The following RNF128 variants were observed in gnomAD, a reference collection of about 807,000 sequenced individuals.
RNF128 encodes ring finger protein 128, also known as E3 ubiquitin-protein ligase RNF128.
In RNF128, 13 loss-of-function variants were observed where a neutral mutation model predicts 26.2. The ratio of observed to expected loss-of-function variants is 0.50; its 90% CI spans 0.32 to 0.79. The LOEUF (loss-of-function observed/expected upper bound fraction) is 0.79. RNF128 is among the 30% of genes least tolerant of loss of function. The pLI is 0.03. For missense variants in RNF128, 315 were observed against 349.7 expected (o/e 0.90, Z 0.79); for synonymous variants, 149 against 142.5 (o/e 1.05, Z -0.32).
chrX:106,777,422 G>T (rs1211462030), intron 2 of RNF128, among the ~76,000 whole-genome samples: 2 of 112,070 alleles, frequency 1.8e-5, no homozygotes. Flanking sequence ...TCCACTCCTT[G>T]TTGGCTTCTG....
intron 2 of RNF128, among the ~76,000 whole-genome samples, chrX:106,781,977 A>G (rs1930573716): frequency 8.9e-6 from 1 of 112,295 alleles, no homozygotes; most frequent in African/African-American, 3.2e-5. Flanking sequence ...CCACACTTCA[A>G]ATTAATTTGC....
At chrX:106,778,990 G>A (rs1930518002) in intron 2 of RNF128, among the ~76,000 whole-genome samples, 1 of 111,595 alleles carries the variant, frequency 9.0e-6, no homozygotes, top group Admixed American at 9.6e-5. Flanking sequence ...TCACATGTAT[G>A]TATCTATTTC....
At chrX:106,695,809 C>A (rs1201617242) in intron 1 of RNF128, among the ~76,000 whole-genome samples, 1 of 111,906 alleles carries the variant, frequency 8.9e-6, no homozygotes, top group African/African-American at 3.2e-5. Flanking sequence ...TTTGCATGAA[C>A]ACATTCTACT....
rs761397508 is a variant in RNF128, at chrX:106,781,654, C to T, written c.733-3411C>T. On this transcript the variant is annotated intron_variant, in intron 2 of 6. Transcript: ENST00000255499. ...TTTATTAAATCACTTGTCTTGCATC[C>T]ATATTTAAAGAAAATAGCTTTTCTT... Among the ~76,000 whole-genome samples the T allele has an allele frequency of 7.2e-3, 801 of 111,554 alleles. 5 individuals carry two copies. The highest frequency in any genetic ancestry group is 0.013 in the Non-Finnish European group (670 of 53,031).
upstream of RNF128, among the ~76,000 whole-genome samples, chrX:106,722,213 T>C (rs1929325124): frequency 9.0e-6 from 1 of 111,041 alleles, no homozygotes; most frequent in South Asian, 3.9e-4. Context: ...ACAAGAAAAG[T>C]GTAGTCTTAC....
intron 1 of RNF128, among the ~76,000 whole-genome samples, chrX:106,766,530 T>G (rs764244367): frequency 8.9e-6 from 1 of 112,548 alleles, no homozygotes; most frequent in African/African-American, 3.2e-5. Flanking sequence ...AAGTGTCTGT[T>G]CATATCCTTT....
chrX:106,729,403 A>G (rs1929464242), intron 1 of RNF128, among the ~76,000 whole-genome samples: 1 of 110,780 alleles, frequency 9.0e-6, no homozygotes, highest in Non-Finnish European at 1.9e-5. Context: ...TGTGATTATT[A>G]AGGATTATAT....
At chrX:106,723,988 A>G (rs1392757083), upstream of RNF128, among the ~76,000 whole-genome samples, 1 of 111,176 alleles carries the variant, frequency 9.0e-6, no homozygotes, top group South Asian at 3.8e-4. Flanking sequence ...TGCACTTAGT[A>G]GGTGTTCAGT....
intron 5 of RNF128, among the ~76,000 whole-genome samples, chrX:106,790,773 T>C (rs1930808952): frequency 9.0e-6 from 1 of 110,597 alleles, no homozygotes; most frequent in South Asian, 3.9e-4. Context: ...CATGATGTTT[T>C]TTTAGGGCCT....
At chrX:106,728,910 C>A (rs950763224) in intron 1 of RNF128, among the ~76,000 whole-genome samples, 1 of 111,324 alleles carries the variant, frequency 9.0e-6, no homozygotes, top group Non-Finnish European at 1.9e-5. Context: ...CTCTCTTGGC[C>A]GATAATTCAT....
intron 1 of RNF128, among the ~76,000 whole-genome samples, chrX:106,744,791 C>T (rs1054819513): frequency 2.0e-4 from 22 of 111,576 alleles, no homozygotes; most frequent in African/African-American, 7.2e-4. Flanking sequence ...TAAATTCCTC[C>T]GTGTTAATTT....
rs773333989 is a variant in RNF128, at chrX:106,694,345, G to A, written c.343G>A (p.Asp115Asn). ...TCAAACAGCGGGCAGAAGAAATGCT[G>A]ATGCTGTTGTGATTTACAATGCTCC... The change falls in exon 1 of 7, where the codon GAT becomes AAT. Residue 115 changes from aspartate (D) to asparagine (N), a missense_variant. Transcript: ENST00000324342. 14 of 1,208,151 alleles carry A rather than the reference G, an allele frequency of 1.2e-5. No homozygotes were observed. The highest frequency in any genetic ancestry group is 1.8e-5 in the South Asian group (1 of 56,003).
chrX:106,748,925 T>C (rs1012187940), intron 1 of RNF128, among the ~76,000 whole-genome samples: 3 of 111,984 alleles, frequency 2.7e-5, no homozygotes, highest in Non-Finnish European at 3.8e-5. Context: ...ATGACAAATA[T>C]CCTGATTACC....
At chrX:106,734,294 A>G (rs192956648) in intron 1 of RNF128, among the ~76,000 whole-genome samples, 89 of 111,726 alleles carry the variant, frequency 8.0e-4, no homozygotes, top group African/African-American at 2.8e-3. Flanking sequence ...TATACTTACT[A>G]GCCTTAAACA....
chrX:106,772,856 G>T, intron 1 of RNF128, 57 bp from the exon 2 acceptor site: 2 of 1,126,234 alleles, frequency 1.8e-6, no homozygotes, highest in Non-Finnish European at 2.4e-6. Context: ...TTAGCAATTG[G>T]GTTATTATAC....
chrX:106,781,134 A>T lies in RNF128; in HGVS notation c.733-3931A>T, dbSNP rs749319766. ...TTGAGCAAACTCTAGCCACTGGGGA[A>T]TTTTTTTCTAAGTGACTAAGGCCCA... On this transcript the variant is annotated intron_variant, in intron 2 of 6. Coordinates refer to ENST00000255499, the MANE Select transcript of RNF128 (RefSeq NM_194463.2). 9.9e-5 allele frequency among the ~76,000 whole-genome samples: 11 copies of T among 111,420 alleles called. No individual in the cohort carries two copies. The East Asian group carries it at 2.5e-3, about 26-fold the overall frequency.
intron 1 of RNF128, among the ~76,000 whole-genome samples, chrX:106,755,557 T>C (rs1929990221): frequency 9.0e-6 from 1 of 111,287 alleles, no homozygotes; most frequent in African/African-American, 3.3e-5. Context: ...ATTAATAGGG[T>C]AATTGATCAT....
Position 106,726,966 on chromosome X carries a change from C to G in RNF128, c.53C>G (p.Ser18Cys). ...GVSCRGGCGF[S>C]RLLAWCFLLA... ...TCCTGCCGCGGTGGCTGCGGCTTTT[C>G]CAGATTGCTGGCATGGTGCTTCCTG... is the stretch of plus-strand genomic sequence containing the variant. The change falls in exon 1 of 7, where the codon TCC becomes TGC. Residue 18 changes from serine to cysteine, a missense_variant. Physicochemically the swap from Ser to Cys is moderately radical, Grantham distance 112 (BLOSUM62 -1). Coordinates refer to ENST00000255499, the MANE Select transcript of RNF128 (RefSeq NM_194463.2). The G allele has an allele frequency of 1.7e-6, 2 of 1,193,359 alleles. No homozygotes were observed. Among genetic ancestry groups the G allele is most frequent in the Admixed American group, 2.3e-5 (1 of 43,138 alleles).
chrX:106,791,082 G>A lies in RNF128; in HGVS notation c.1001G>A (p.Gly334Glu). The change falls in exon 6 of 7, where the codon GGA (glycine) becomes GAA (glutamate). Residue 334 changes from glycine to glutamate, a missense_variant. Gly to Glu is a moderately conservative substitution (Grantham distance 98). Coordinates refer to ENST00000255499, the MANE Select transcript of RNF128 (RefSeq NM_194463.2). The stretch of plus-strand genomic sequence containing the variant: ...TCTTTAAAGGTGGATGTTGAAGATG[G>A]ATCAGTGTCTTTACAAGTCCCTGTA... ...ALGIEVDVED[G>E]SVSLQVPVSN... 1 of 1,206,853 alleles carries A rather than the reference G, an allele frequency of 8.3e-7. No homozygotes were observed. The highest frequency in any genetic ancestry group is 1.1e-6 in the Non-Finnish European group (1 of 892,350).
Sources: allele counts gnomAD v4.1 joint callset (sites outside exome capture counted in the v4.1 genomes callset), GRCh38; gene constraint gnomAD v4.1.1; transcripts MANE v1.5; gene names NCBI Gene and HGNC (gene_info 2026-07-23, HGNC 2026-07-21).